The following DTD1 variants were observed in gnomAD, a reference collection of about 807,000 sequenced individuals.
The protein encoded by DTD1 is D-tyrosyl-tRNA deacylase 1 homolog.
In DTD1, 13 loss-of-function variants were observed where a neutral mutation model predicts 25.6. That is an observed-to-expected ratio of 0.51 (90% CI 0.33 to 0.81). The LOEUF is 0.81. Among genes scored for constraint, DTD1 ranks in the 30% least tolerant of loss-of-function variants. The pLI is 0.02. For missense variants in DTD1, 193 were observed against 266.4 expected (o/e 0.72, Z 1.92); for synonymous variants, 110 against 103.6 (o/e 1.06, Z -0.37).
chr20:18,633,554 AGCAGTGGT>A (rs1254991641), intron 4 of DTD1, among the ~76,000 whole-genome samples: 1 of 152,096 alleles, frequency 6.6e-6, no homozygotes, highest in Non-Finnish European at 1.5e-5. Context: ...GTGTTTGTTT[AGCAGTGGT>A]GCTCACAGCT....
In DTD1 at chr20:18,654,746, T is replaced by G. The variant is rs117124840; in HGVS notation, c.477+26513T>G. Among the ~76,000 whole-genome samples the G allele has an allele frequency of 7.9e-3, 1,200 of 152,260 alleles. 8 individuals carry two copies. The highest frequency in any genetic ancestry group is 0.014 in the Middle Eastern group (4 of 294). ...GTATTTTTCTCTGTCAGAAACATTCTCTATATTTGATGGGCTGAGAAAAAT... is the reference window on the plus strand; with the variant it reads ...GTATTTTTCTCTGTCAGAAACATTCGCTATATTTGATGGGCTGAGAAAAAT... On this transcript the variant is annotated intron_variant, in intron 4 of 5. Coordinates refer to ENST00000377452, the MANE Select transcript of DTD1 (RefSeq NM_080820.6).
intron 4 of DTD1, chr20:18,674,379 A>G (rs2060962255): frequency 6.6e-6 from 1 of 152,264 alleles, no homozygotes. Flanking sequence ...GTCACTTAAA[A>G]TATGGTCACG....
At chr20:18,626,149 G>A (rs142074337) in intron 3 of DTD1, among the ~76,000 whole-genome samples, 1 of 152,296 alleles carries the variant, frequency 6.6e-6, no homozygotes, top group African/African-American at 2.4e-5. Flanking sequence ...ATGATTTCCT[G>A]TACACTCACT....
chr20:18,746,462 T>A (rs1044940823), intron 5 of DTD1, among the ~76,000 whole-genome samples: 1 of 151,640 alleles, frequency 6.6e-6, no homozygotes, highest in South Asian at 2.1e-4. Context: ...CTTTGGGAGG[T>A]TGAAGTGAGA....
At chr20:18,641,491 T>A (rs1327258973) in intron 4 of DTD1, among the ~76,000 whole-genome samples, 1 of 152,112 alleles carries the variant, frequency 6.6e-6, no homozygotes, top group Non-Finnish European at 1.5e-5. Flanking sequence ...CCCCACATCC[T>A]CACCAACATT....
intron 4 of DTD1, among the ~76,000 whole-genome samples, chr20:18,685,480 C>T (rs917167176): frequency 3.6e-4 from 55 of 152,220 alleles, no homozygotes; most frequent in African/African-American, 6.3e-4. Flanking sequence ...GGGGCAGAGG[C>T]GCCAGGAAGG....
At chr20:18,607,821 C>G (rs541593724) in intron 3 of DTD1, among the ~76,000 whole-genome samples, 1 of 152,052 alleles carries the variant, frequency 6.6e-6, no homozygotes, top group South Asian at 2.1e-4. Context: ...TCAAGCGATT[C>G]TCCTGTCTCA....
intron 4 of DTD1, among the ~76,000 whole-genome samples, chr20:18,634,953 T>C (rs957171071): frequency 1.3e-5 from 2 of 152,206 alleles, no homozygotes; most frequent in Admixed American, 1.3e-4. Flanking sequence ...ACTCTGAATA[T>C]AAGGAAGAAT....
intron 4 of DTD1, among the ~76,000 whole-genome samples, chr20:18,743,673 C>CAAAAAAAAAA (rs11474877): frequency 3.4e-4 from 36 of 105,024 alleles, no homozygotes; most frequent in African/African-American, 7.0e-4. Flanking sequence ...GACCCTGTCT[C>CAAAAAAAAAA]AAAAAAAAAA....
At chr20:18,703,334 G>T (rs2061113041) in intron 4 of DTD1, among the ~76,000 whole-genome samples, 1 of 152,016 alleles carries the variant, frequency 6.6e-6, no homozygotes, top group African/African-American at 2.4e-5. Flanking sequence ...CTTGATCTTG[G>T]TGTCCTCAAA....
At chr20:18,708,317 A>C (rs1600383425) in intron 4 of DTD1, among the ~76,000 whole-genome samples, 2 of 48,436 alleles carry the variant, frequency 4.1e-5, no homozygotes, top group South Asian at 9.7e-4. Context: ...TTTTATATAT[A>C]TATTATATAT....
chr20:18,747,991 C>G (rs1268114502), intron 5 of DTD1, among the ~76,000 whole-genome samples: 1 of 152,110 alleles, frequency 6.6e-6, no homozygotes, highest in Non-Finnish European at 1.5e-5. Flanking sequence ...TGCACTCCAG[C>G]CTGGCGACAG....
chr20:18,711,939 C>T (rs1445121460), intron 4 of DTD1, among the ~76,000 whole-genome samples: 4 of 151,616 alleles, frequency 2.6e-5, no homozygotes, highest in South Asian at 4.2e-4. Context: ...TCGGGGGGCA[C>T]GTGCCTGTAA....
intron 4 of DTD1, among the ~76,000 whole-genome samples, chr20:18,633,231 C>G (rs1044150546): frequency 2.0e-5 from 3 of 152,136 alleles, no homozygotes; most frequent in Non-Finnish European, 2.9e-5. Flanking sequence ...GGCTGTCTTT[C>G]CCTCCATCCC....
rs2061378974 is a variant in DTD1 at position 18,766,416 on chromosome 20, A to G, written c.*3076A>G. The G allele has an allele frequency of 6.6e-6, 1 of 152,172 alleles. No individual in the cohort carries two copies. The highest frequency in any genetic ancestry group is 6.5e-5 in the Admixed American group (1 of 15,268). The allele number at this position is 152,172 out of a possible 1,614,324, so 9.4% of individuals were successfully genotyped here. A position where few individuals can be genotyped will look rare whatever the true frequency, so the allele number is the denominator to read the frequency against. On this transcript the variant is annotated 3_prime_UTR_variant, in exon 6 of 6. Transcript: ENST00000377452. ...CTCATCTCAGAAGACATGGAATAAT[A>G]TCAAAAGTAAAGCCACCCACTGGCT...
Position 18,755,113 on chromosome 20 carries a change from G to A in DTD1, c.*20-8247G>A, listed in dbSNP as rs1381019702. Among the ~76,000 whole-genome samples the A allele has an allele frequency of 8.8e-4, 134 of 152,274 alleles. 1 individual carries two copies. Among genetic ancestry groups the A allele is most frequent in the Non-Finnish European group, 2.8e-4 (19 of 68,022 alleles). ...TCCAGTTCTGTGTTTCTCTAGTAGG[G>A]AATAGAAATTCCTAAATCATCTTTC... On this transcript the variant is annotated intron_variant, in intron 5 of 5. Transcript: ENST00000377452.
chr20:18,684,265 C>A (rs569550779), intron 4 of DTD1, among the ~76,000 whole-genome samples: 10 of 152,158 alleles, frequency 6.6e-5, no homozygotes, highest in African/African-American at 2.2e-4. Context: ...CTAGTTCATG[C>A]TCACCTCCAG....
intron 4 of DTD1, among the ~76,000 whole-genome samples, chr20:18,676,957 C>T (rs6132097): frequency 0.36 from 54,999 of 151,996 alleles, 10,264 homozygotes; most frequent in Non-Finnish European, 0.41. Context: ...TCCTACTTGC[C>T]GTGCGTTTCT....
chr20:18,693,254 G>T (rs2061055125), intron 4 of DTD1, among the ~76,000 whole-genome samples: 2 of 152,142 alleles, frequency 1.3e-5, no homozygotes, highest in African/African-American at 4.8e-5. Context: ...GGTGGTTGGT[G>T]GTGGATGGGA....
Sources: gnomAD v4.1 joint callset for allele counts (sites outside exome capture counted in the v4.1 genomes callset) on GRCh38, gnomAD v4.1.1 for gene constraint, MANE v1.5 for transcripts, NCBI Gene and HGNC (gene_info 2026-07-23, HGNC 2026-07-21) for gene names.